MYO18B: variants seen among roughly 807,000 people sequenced by gnomAD.
The protein encoded by MYO18B is unconventional myosin-XVIIIb.
A neutral mutation model predicts 273.0 loss-of-function variants in MYO18B; 204 were observed. The observed-to-expected ratio is 0.75, with a 90% CI of 0.67 to 0.84. MYO18B has a LOEUF of 0.84. Ranked by LOEUF, MYO18B falls within the 40% of genes least tolerant of loss-of-function variation. The pLI is 0.00. For missense variants in MYO18B, 3,212 were observed against 3,287.6 expected (o/e 0.98, Z 0.56); for synonymous variants, 1,330 against 1,305.7 (o/e 1.02, Z -0.40).
At chr22:25,967,559 G>A (rs532230907) in intron 39 of MYO18B, among the ~76,000 whole-genome samples, 4 of 152,276 alleles carry the variant, frequency 2.6e-5, no homozygotes, top group South Asian at 4.1e-4. Flanking sequence ...TATGAGGATC[G>A]ACCAAGCAGT....
chr22:25,909,547 A>G (rs1368033609), intron 32 of MYO18B, among the ~76,000 whole-genome samples: 2 of 152,158 alleles, frequency 1.3e-5, no homozygotes, highest in African/African-American at 2.4e-5. Flanking sequence ...GTCCCTGCCC[A>G]TATTCCTTCA....
chr22:25,775,567 C>T (rs1367186764), intron 7 of MYO18B, among the ~76,000 whole-genome samples: 6 of 152,158 alleles, frequency 3.9e-5, no homozygotes, highest in African/African-American at 1.2e-4. Flanking sequence ...TCCCTCGCTG[C>T]CAAATCCAAT....
intron 31 of MYO18B, among the ~76,000 whole-genome samples, chr22:25,904,960 T>A (rs1193034035): frequency 6.0e-5 from 9 of 151,084 alleles, no homozygotes; most frequent in Admixed American, 5.9e-4. Context: ...AAAAAAAAAA[T>A]TTCTAGGGGA....
chr22:25,971,033 T>G (rs1041581963), intron 39 of MYO18B, among the ~76,000 whole-genome samples: 1 of 152,218 alleles, frequency 6.6e-6, no homozygotes, highest in Non-Finnish European at 1.5e-5. Flanking sequence ...CTGGCAAGTA[T>G]TTTCTGTAGA....
intron 8 of MYO18B, among the ~76,000 whole-genome samples, chr22:25,778,212 T>C (rs1229557127): frequency 6.6e-6 from 1 of 152,064 alleles, no homozygotes; most frequent in Non-Finnish European, 1.5e-5. Context: ...TCTACACTCA[T>C]GAGAAGCTAA....
chr22:25,753,349 A>T (rs1298052902), intron 1 of MYO18B, among the ~76,000 whole-genome samples: 1 of 152,188 alleles, frequency 6.6e-6, no homozygotes, highest in Non-Finnish European at 1.5e-5. Flanking sequence ...TTGTAAACGC[A>T]CCAATCAGCA....
intron 21 of MYO18B, among the ~76,000 whole-genome samples, chr22:25,862,270 G>C (rs2090759815): frequency 6.6e-6 from 1 of 152,108 alleles, no homozygotes; most frequent in Admixed American, 6.6e-5. Context: ...GATAACTGCA[G>C]ATCACATCTA....
At chr22:26,040,398 G>A in the MYO18B span, among the ~76,000 whole-genome samples, 21 of 152,160 alleles carry the variant, frequency 1.4e-4, no homozygotes, top group Non-Finnish European at 2.9e-4. Context: ...GCTTTATCTG[G>A]CACCAGAGAT....
intron 1 of MYO18B, 133 bp downstream of exon 1, chr22:25,742,426 G>C (rs2146506887): frequency 6.6e-6 from 1 of 152,238 alleles, no homozygotes; most frequent in Admixed American, 6.5e-5. Context: ...TTCTGGTGTT[G>C]AGAGCTTCCG....
At chr22:25,960,829 C>G (rs2092910227) in intron 39 of MYO18B, among the ~76,000 whole-genome samples, 2 of 152,100 alleles carry the variant, frequency 1.3e-5, no homozygotes, top group Non-Finnish European at 2.9e-5. Context: ...AGGAGCATAG[C>G]TTACTGTGTT....
intron 20 of MYO18B, among the ~76,000 whole-genome samples, 174 bp downstream of exon 20, chr22:25,847,826 G>C (rs2090301557): frequency 6.6e-6 from 1 of 152,168 alleles, no homozygotes; most frequent in East Asian, 1.9e-4. Context: ...CAGAGAGGTG[G>C]AAGTACTTGC....
At chr22:25,951,881 G>T (rs1432387263) in intron 37 of MYO18B, among the ~76,000 whole-genome samples, 1 of 152,174 alleles carries the variant, frequency 6.6e-6, no homozygotes, top group Non-Finnish European at 1.5e-5. Context: ...GACTTTCTCA[G>T]ACTCACACAC....
intron 3 of MYO18B, among the ~76,000 whole-genome samples, chr22:25,766,335 C>T (rs1254396554): frequency 1.3e-5 from 2 of 151,918 alleles, no homozygotes; most frequent in African/African-American, 2.4e-5. Context: ...ATATAGGGCT[C>T]ATTGCAAGGA....
At chr22:26,037,647 A>G in the MYO18B span, among the ~76,000 whole-genome samples, 1 of 152,152 alleles carries the variant, frequency 6.6e-6, no homozygotes, top group African/African-American at 2.4e-5. Context: ...GTTCACTTCA[A>G]TCTCAAGCGA....
chr22:25,908,379 C>T lies in MYO18B; in HGVS notation c.5206C>T (p.Arg1736Cys), dbSNP rs773577709. The T allele has an allele frequency of 2.1e-5, 33 of 1,603,364 alleles. No individual in the cohort carries two copies. Among genetic ancestry groups the T allele is most frequent in the African/African-American group, 5.4e-5 (4 of 74,752 alleles). Reference sequence around the variant, plus strand: ...GATGAAGCAGATGCACCAGAAGGACCGTGAGGACCAGGAGGAGGAACTGGA... The same window carrying T: ...GATGAAGCAGATGCACCAGAAGGACTGTGAGGACCAGGAGGAGGAACTGGA... Reference protein sequence around the residue: ...ERMKQMHQKDREDQEEELEDV... With the variant: ...ERMKQMHQKDCEDQEEELEDV... The change falls in exon 32 of 44, where the codon CGT becomes TGT. Residue 1736 changes from arginine to cysteine, a missense_variant. Transcript: ENST00000335473.
chr22:25,867,308 C>T (rs893159673), intron 21 of MYO18B, among the ~76,000 whole-genome samples: 4 of 152,232 alleles, frequency 2.6e-5, no homozygotes, highest in Non-Finnish European at 4.4e-5. Flanking sequence ...CAACCCCTAG[C>T]CACCATAATT....
intron 6 of MYO18B, 98 bp downstream of exon 6, chr22:25,771,082 G>A (rs2086702980): frequency 2.3e-6 from 2 of 873,400 alleles, no homozygotes; most frequent in African/African-American, 1.7e-5. Flanking sequence ...AGATTTCCTT[G>A]TTCCTGACTA....
intron 34 of MYO18B, among the ~76,000 whole-genome samples, chr22:25,937,039 T>C (rs770239159): frequency 1.2e-4 from 18 of 152,096 alleles, no homozygotes; most frequent in Non-Finnish European, 2.5e-4. Context: ...CTAATAATAA[T>C]ATTTATTATT....
At chr22:25,824,273 G>T (rs145992507) in intron 13 of MYO18B, among the ~76,000 whole-genome samples, 77 of 152,234 alleles carry the variant, frequency 5.1e-4, no homozygotes, top group Middle Eastern at 6.8e-3. Flanking sequence ...AAATCACCAG[G>T]TGATAGGTGG....
Sources: allele counts gnomAD v4.1 joint callset (sites outside exome capture counted in the v4.1 genomes callset), GRCh38; gene constraint gnomAD v4.1.1; transcripts MANE v1.5; gene names NCBI Gene and HGNC (gene_info 2026-07-23, HGNC 2026-07-21).